Variants in UBE2E2 observed in about 807,000 individuals in gnomAD.
UBE2E2 encodes ubiquitin conjugating enzyme E2 E2, also known as ubiquitin-conjugating enzyme E2 E2.
UBE2E2 carries 6 observed loss-of-function variants against 24.7 expected under a neutral mutation model. The ratio of observed to expected loss-of-function variants is 0.24; its 90% confidence interval spans 0.13 to 0.48. UBE2E2 has a LOEUF of 0.48. Among genes scored for constraint, UBE2E2 ranks in the 20% least tolerant of loss-of-function variants. The pLI, the probability that UBE2E2 is intolerant of heterozygous loss-of-function variation, is 0.99. For missense variants in UBE2E2, 169 were observed against 245.0 expected, an observed-to-expected ratio of 0.69 and a Z score of 2.07; for synonymous variants, 104 against 83.6, an observed-to-expected ratio of 1.24 and a Z score of -1.33.
At chr3:23,244,188 T>A (rs1399586723) in intron 3 of UBE2E2, among the ~76,000 whole-genome samples, 1 of 151,774 alleles carries the variant, frequency 6.6e-6, no homozygotes, top group Non-Finnish European at 1.5e-5. Flanking sequence ...AAGTTTAGGT[T>A]TAAAAAGAAA....
At chr3:23,226,138 T>A (rs1696819603) in intron 3 of UBE2E2, among the ~76,000 whole-genome samples, 1 of 152,182 alleles carries the variant, frequency 6.6e-6, no homozygotes, top group East Asian at 1.9e-4. Flanking sequence ...CTTGGCCTCC[T>A]AAAGTGCTGG....
chr3:23,434,207 A>G (rs778500), intron 3 of UBE2E2, among the ~76,000 whole-genome samples: 88,652 of 151,850 alleles, frequency 0.58, 26,278 homozygotes, highest in East Asian at 0.72. Flanking sequence ...TTTGTTGTAC[A>G]TTAACAATCA....
At chr3:23,235,111 A>G (rs1450047926) in intron 3 of UBE2E2, among the ~76,000 whole-genome samples, 2 of 152,226 alleles carry the variant, frequency 1.3e-5, no homozygotes, top group African/African-American at 4.8e-5. Context: ...CAGCCTTTGT[A>G]GAGCTTATGT....
intron 3 of UBE2E2, among the ~76,000 whole-genome samples, chr3:23,278,349 A>G (rs1438191286): frequency 6.6e-6 from 1 of 152,296 alleles, no homozygotes. Context: ...TAATTCAGGA[A>G]AAAGGAACAA....
intron 3 of UBE2E2, among the ~76,000 whole-genome samples, chr3:23,494,620 C>T (rs1439307556): frequency 1.3e-5 from 2 of 152,140 alleles, no homozygotes; most frequent in Non-Finnish European, 1.5e-5. Context: ...GTTCAAGAAC[C>T]ACTGCTGTAA....
At chr3:23,262,047 T>C (rs1263163195) in intron 3 of UBE2E2, among the ~76,000 whole-genome samples, 1 of 152,208 alleles carries the variant, frequency 6.6e-6, no homozygotes. Context: ...AGCCTCCATA[T>C]TGGTTTCCTT....
At chr3:23,325,636 T>C (rs909268960) in intron 3 of UBE2E2, among the ~76,000 whole-genome samples, 1 of 152,230 alleles carries the variant, frequency 6.6e-6, no homozygotes, top group African/African-American at 2.4e-5. Context: ...CTTTGCTAAG[T>C]AGTTATGAAC....
chr3:23,360,799 G>C (rs1696092722), intron 3 of UBE2E2, among the ~76,000 whole-genome samples: 1 of 151,852 alleles, frequency 6.6e-6, no homozygotes, highest in Admixed American at 6.6e-5. Context: ...AACATTTTGA[G>C]CTCCTCAAGA....
intron 5 of UBE2E2, among the ~76,000 whole-genome samples, chr3:23,562,094 TC>T (rs1470728990): frequency 1.3e-5 from 2 of 152,158 alleles, no homozygotes; most frequent in African/African-American, 4.8e-5. Context: ...GGCCAGAACT[TC>T]CAACACTATG....
intron 4 of UBE2E2, among the ~76,000 whole-genome samples, chr3:23,521,824 C>T (rs764914462): frequency 6.6e-6 from 1 of 152,100 alleles, no homozygotes; most frequent in Non-Finnish European, 1.5e-5. Context: ...ATTGGACACC[C>T]TTGCTCCAGA....
rs77576428 is a variant in UBE2E2, at chr3:23,531,495, T to C, written c.361-1059T>C. Among the ~76,000 whole-genome samples the C allele has an allele frequency of 3.0e-4, 46 of 152,346 alleles. No individual in the cohort carries two copies. In the East Asian group the frequency reaches 8.3e-3, roughly 27 times the overall value. ...TATAAAACTGATTTGCACTTAATTA[T>C]TTTCAGTTGAAGTGTTTTACAAATG... On this transcript the variant is annotated intron_variant, in intron 4 of 5. Transcript: ENST00000396703.
At chr3:23,292,481 A>G (rs779722311) in intron 3 of UBE2E2, among the ~76,000 whole-genome samples, 1 of 152,080 alleles carries the variant, frequency 6.6e-6, no homozygotes, top group Non-Finnish European at 1.5e-5. Flanking sequence ...GTGACACTAC[A>G]TAGGGCCCAA....
chr3:23,440,786 T>TA (rs869078567), intron 3 of UBE2E2, among the ~76,000 whole-genome samples: 29 of 150,128 alleles, frequency 1.9e-4, no homozygotes, highest in East Asian at 4.8e-4. Flanking sequence ...GACTTGGATT[T>TA]AAAAAAAAAG....
chr3:23,291,833 C>A (rs13078970), intron 3 of UBE2E2, among the ~76,000 whole-genome samples: 8,385 of 145,224 alleles, frequency 0.058, 400 homozygotes, highest in Non-Finnish European at 0.084. Context: ...CAGATGTGTG[C>A]CACCATGCCC....
At chr3:23,391,442 A>G (rs1005910691) in intron 3 of UBE2E2, among the ~76,000 whole-genome samples, 2 of 152,218 alleles carry the variant, frequency 1.3e-5, no homozygotes, top group African/African-American at 4.8e-5. Context: ...GGCATCTACT[A>G]TATGCTGGAT....
chr3:23,553,826 G>T (rs1695709326), intron 5 of UBE2E2, among the ~76,000 whole-genome samples: 1 of 151,910 alleles, frequency 6.6e-6, no homozygotes, highest in African/African-American at 2.4e-5. Context: ...AAATACTTAG[G>T]AATAAATTTA....
intron 3 of UBE2E2, among the ~76,000 whole-genome samples, chr3:23,321,539 C>T (rs766387181): frequency 6.6e-6 from 1 of 151,464 alleles, no homozygotes; most frequent in Non-Finnish European, 1.5e-5. Flanking sequence ...GCTAAATCTC[C>T]TAGGAATAGC....
intron 3 of UBE2E2, among the ~76,000 whole-genome samples, chr3:23,448,932 C>T (rs1698492575): frequency 6.6e-6 from 1 of 152,194 alleles, no homozygotes; most frequent in African/African-American, 2.4e-5. Flanking sequence ...TCTTCTGTCT[C>T]CTTTCTTGGA....
intron 3 of UBE2E2, among the ~76,000 whole-genome samples, chr3:23,497,324 G>A (rs1699623060): frequency 6.6e-6 from 1 of 152,180 alleles, no homozygotes; most frequent in African/African-American, 2.4e-5. Context: ...CGAGAACTGA[G>A]AGAGAGCACT....
Sources: allele counts gnomAD v4.1 joint callset (sites outside exome capture counted in the v4.1 genomes callset), GRCh38; gene constraint gnomAD v4.1.1; transcripts MANE v1.5; gene names NCBI Gene and HGNC (gene_info 2026-07-23, HGNC 2026-07-21).